Variants in RPS6KA5 observed in about 807,000 individuals in gnomAD.
The protein encoded by RPS6KA5 is ribosomal protein S6 kinase A5.
Under a neutral mutation model 85.5 loss-of-function variants are expected in RPS6KA5, and 27 were observed. The observed-to-expected ratio is 0.32, with a 90% CI of 0.23 to 0.44. The LOEUF (loss-of-function observed/expected upper bound fraction) is 0.44. RPS6KA5 is among the 20% of genes least tolerant of loss of function. The pLI, the probability that RPS6KA5 is intolerant of heterozygous loss-of-function variation, is 1.00. For synonymous variants in RPS6KA5, 334 were observed against 348.2 expected (o/e 0.96, Z 0.46); for missense variants, 811 against 980.9 (o/e 0.83, Z 2.31).
intron 3 of RPS6KA5, among the ~76,000 whole-genome samples, chr14:90,948,674 G>C (rs574019636): frequency 2.0e-5 from 3 of 149,996 alleles, no homozygotes; most frequent in Non-Finnish European, 3.0e-5. Flanking sequence ...CAGCCTGGGC[G>C]AAAGAGTGAG....
chr14:90,922,976 A>G, intron 6 of RPS6KA5, 137 bp downstream of exon 6: 1 of 626,980 alleles, frequency 1.6e-6, no homozygotes, highest in South Asian at 2.0e-5. Context: ...AATACAAAGC[A>G]AAAGAGAAAA....
chr14:90,905,542 T>G (rs2035453522), intron 8 of RPS6KA5, among the ~76,000 whole-genome samples: 1 of 152,216 alleles, frequency 6.6e-6, no homozygotes, highest in African/African-American at 2.4e-5. Flanking sequence ...GTGTTTTTTT[T>G]GTACTAAACT....
At chr14:90,942,383 T>C (rs2037619226) in intron 5 of RPS6KA5, among the ~76,000 whole-genome samples, 1 of 152,222 alleles carries the variant, frequency 6.6e-6, no homozygotes, top group Non-Finnish European at 1.5e-5. Context: ...CATTCAAATT[T>C]ACTTAGTTAT....
intron 13 of RPS6KA5, 44 bp downstream of exon 13, chr14:90,894,369 A>G: frequency 6.8e-7 from 1 of 1,464,172 alleles, no homozygotes; most frequent in Non-Finnish European, 9.1e-7. Flanking sequence ...ATCTTTAATA[A>G]TGGTGCTAGA....
intron 2 of RPS6KA5, among the ~76,000 whole-genome samples, chr14:91,000,456 T>C (rs545852266): frequency 2.0e-5 from 3 of 152,098 alleles, no homozygotes; most frequent in African/African-American, 7.2e-5. Flanking sequence ...CTCCACAGAG[T>C]ACTTGGCATC....
In RPS6KA5 at chr14:90,954,188, T is replaced by C. The variant is rs1438613961; in HGVS notation, c.395-6638A>G. Among the ~76,000 whole-genome samples the C allele has an allele frequency of 7.2e-5, 11 of 152,348 alleles. No individual in the cohort carries two copies. The East Asian group carries it at 1.4e-3, about 19-fold the overall frequency. The stretch of plus-strand genomic sequence containing the variant: ...TTATGGAAAATAGAAAGAGCCTACA[T>C]TGAAATATTGGGGACAGGTTCCCCC... On this transcript the variant is annotated intron_variant, in intron 3 of 16. Transcript: ENST00000614987.
intron 5 of RPS6KA5, among the ~76,000 whole-genome samples, chr14:90,925,481 T>A (rs2036607354): frequency 6.6e-6 from 1 of 152,178 alleles, no homozygotes; most frequent in Non-Finnish European, 1.5e-5. Context: ...GATCTGAATT[T>A]ACTCTTCTGC....
Position 90,850,316 on chromosome 14 carries a change from T to C in RPS6KA5, c.*21758A>G, listed in dbSNP as rs1433130318. 1 of 152,180 alleles carries C rather than the reference T, an allele frequency of 6.6e-6. No individual in the cohort carries two copies. Among genetic ancestry groups the C allele is most frequent in the Non-Finnish European group, 1.5e-5 (1 of 68,032 alleles). The allele number at this position is 152,180 out of a possible 1,614,324, so 9.4% of individuals were successfully genotyped here. A position where few individuals can be genotyped will look rare whatever the true frequency, so the allele number is the denominator to read the frequency against. On this transcript the variant is annotated 3_prime_UTR_variant, in exon 17 of 17. Transcript: ENST00000614987. ...ATGACAAGAAGAACAGTCATGATTG[T>C]AGTCAATTTTAAAAATAGACATCCT...
intron 3 of RPS6KA5, among the ~76,000 whole-genome samples, chr14:90,972,316 A>G (rs2039360819): frequency 6.6e-6 from 1 of 152,244 alleles, no homozygotes; most frequent in African/African-American, 2.4e-5. Flanking sequence ...TCTGAAAAAT[A>G]AAGGCAATGA....
chr14:90,891,409 C>T (rs2140196873), intron 13 of RPS6KA5, among the ~76,000 whole-genome samples: 1 of 152,074 alleles, frequency 6.6e-6, no homozygotes, highest in East Asian at 1.9e-4. Flanking sequence ...GCTTCTTGAT[C>T]ACTAAGACTC....
At chr14:91,045,279 G>C (rs976805168) in intron 1 of RPS6KA5, among the ~76,000 whole-genome samples, 4 of 52,150 alleles carry the variant, frequency 7.7e-5, no homozygotes, top group Non-Finnish European at 1.6e-4. Context: ...TTTTTTTTTT[G>C]AGATGGAGTC....
chr14:91,022,823 A>G (rs2041837352), intron 1 of RPS6KA5, among the ~76,000 whole-genome samples: 1 of 152,184 alleles, frequency 6.6e-6, no homozygotes, highest in Non-Finnish European at 1.5e-5. Context: ...GTGGTTGCTC[A>G]CACATGTAAT....
chr14:90,888,069 T>C (rs1472501633), intron 14 of RPS6KA5, among the ~76,000 whole-genome samples: 1 of 152,130 alleles, frequency 6.6e-6, no homozygotes, highest in Non-Finnish European at 1.5e-5. Context: ...GTTTACCTTT[T>C]TTTACCATTT....
chr14:91,001,063 T>G, intron 2 of RPS6KA5, 25 bp downstream of exon 2: 2 of 1,340,570 alleles, frequency 1.5e-6, no homozygotes, highest in Non-Finnish European at 2.1e-6. Flanking sequence ...TTTTTTTCCT[T>G]AAATATAATT....
chr14:90,888,483 G>A (rs2034366860), intron 14 of RPS6KA5, among the ~76,000 whole-genome samples: 1 of 152,072 alleles, frequency 6.6e-6, no homozygotes, highest in African/African-American at 2.4e-5. Flanking sequence ...GTTTATTTTT[G>A]TTTAAAATGT....
At chr14:91,027,251 A>G (rs1006328743) in intron 1 of RPS6KA5, among the ~76,000 whole-genome samples, 12 of 152,240 alleles carry the variant, frequency 7.9e-5, no homozygotes. Flanking sequence ...TCTTACATTT[A>G]AATCTTTAAT....
At chr14:90,888,784 T>A (rs1180546719) in intron 14 of RPS6KA5, among the ~76,000 whole-genome samples, 1 of 152,182 alleles carries the variant, frequency 6.6e-6, no homozygotes, top group Non-Finnish European at 1.5e-5. Context: ...GACTGACATA[T>A]CTTACTACAT....
chr14:90,964,682 G>C (rs999791416), intron 3 of RPS6KA5, among the ~76,000 whole-genome samples: 2 of 152,080 alleles, frequency 1.3e-5, no homozygotes, highest in Admixed American at 6.5e-5. Flanking sequence ...GGGAGACTGA[G>C]ATGGGAGGAT....
chr14:90,912,844 G>A (rs1167665070), intron 7 of RPS6KA5, among the ~76,000 whole-genome samples: 6 of 148,292 alleles, frequency 4.0e-5, no homozygotes, highest in Admixed American at 6.7e-5. Context: ...TCTGGGAGTC[G>A]TCCCCAGGGC....
Sources: allele counts gnomAD v4.1 joint callset (sites outside exome capture counted in the v4.1 genomes callset), GRCh38; gene constraint gnomAD v4.1.1; transcripts MANE v1.5; gene names NCBI Gene and HGNC (gene_info 2026-07-23, HGNC 2026-07-21).